Variants in HSPA12A observed in about 807,000 individuals in gnomAD.
HSPA12A encodes the protein heat shock 70 kDa protein 12A.
A neutral mutation model predicts 69.2 loss-of-function variants in HSPA12A; 28 were observed. The observed-to-expected ratio is 0.40, with a 90% confidence interval of 0.30 to 0.55. The LOEUF (loss-of-function observed/expected upper bound fraction) is 0.55. HSPA12A is among the 20% of genes least tolerant of loss of function. The pLI is 0.38. For synonymous variants in HSPA12A, 345 were observed against 370.5 expected, an observed-to-expected ratio of 0.93 and a Z score of 0.79; for missense variants, 686 against 900.7, an observed-to-expected ratio of 0.76 and a Z score of 3.05.
chr10:116,801,216 G>A (rs78769358), intron 2 of HSPA12A, among the ~76,000 whole-genome samples: 2,991 of 152,140 alleles, frequency 0.02, 94 homozygotes, highest in African/African-American at 0.068. Flanking sequence ...GAATGGACTC[G>A]GTAAAAATAC....
At chr10:116,777,448 C>A (rs1844363481) in intron 2 of HSPA12A, among the ~76,000 whole-genome samples, 2 of 152,244 alleles carry the variant, frequency 1.3e-5, no homozygotes, top group South Asian at 4.1e-4. Flanking sequence ...TCTTCCTCCT[C>A]CTTCCTGCCC....
intron 1 of HSPA12A, among the ~76,000 whole-genome samples, chr10:116,839,996 A>G (rs1845779742): frequency 6.6e-6 from 1 of 152,126 alleles, no homozygotes; most frequent in South Asian, 2.1e-4. Context: ...AACTCAAGAC[A>G]GCATACATAC....
intron 2 of HSPA12A, among the ~76,000 whole-genome samples, chr10:116,786,328 C>A (rs939282784): frequency 3.9e-5 from 6 of 152,132 alleles, no homozygotes; most frequent in African/African-American, 1.4e-4. Context: ...AGAACAACTC[C>A]GCCTTGCCCC....
intron 3 of HSPA12A, 151 bp from the exon 4 acceptor site, chr10:116,701,280 A>G (rs1008307): frequency 0.059 from 39,775 of 679,592 alleles, 2,144 homozygotes; most frequent in East Asian, 0.25. Flanking sequence ...TACTAGAGAC[A>G]CAACTTCAGT....
chr10:116,841,021 T>A (rs1171933604), intron 1 of HSPA12A, among the ~76,000 whole-genome samples: 2 of 152,172 alleles, frequency 1.3e-5, no homozygotes, highest in Non-Finnish European at 1.5e-5. Flanking sequence ...CTTGGCCGTA[T>A]CTCTAGGCAC....
intron 2 of HSPA12A, among the ~76,000 whole-genome samples, chr10:116,783,219 T>C (rs1287273519): frequency 6.6e-6 from 1 of 152,130 alleles, no homozygotes; most frequent in Non-Finnish European, 1.5e-5. Context: ...TTCCACACCA[T>C]CGACGTGGTG....
At chr10:116,741,110 T>C (rs1851491025) in intron 1 of HSPA12A, among the ~76,000 whole-genome samples, 1 of 152,136 alleles carries the variant, frequency 6.6e-6, no homozygotes, top group Non-Finnish European at 1.5e-5. Flanking sequence ...GCCTGGGCTC[T>C]CCGCTGCCTC....
intron 6 of HSPA12A, among the ~76,000 whole-genome samples, chr10:116,685,056 G>A (rs1030337127): frequency 1.2e-4 from 18 of 152,174 alleles, no homozygotes; most frequent in Non-Finnish European, 2.2e-4. Context: ...GATGGACCAC[G>A]GAAGAACACT....
intron 4 of HSPA12A, among the ~76,000 whole-genome samples, chr10:116,699,084 C>T (rs1487875059): frequency 6.6e-6 from 1 of 152,180 alleles, no homozygotes; most frequent in Non-Finnish European, 1.5e-5. Context: ...CATGCAATTT[C>T]CGTACAATTT....
rs572694685 is a variant in HSPA12A at position 116,681,864 on chromosome 10, T to G, written c.849A>C (p.Ile283=). ...GAGFTQAKEH[I]RRNRQSRTFL... is the part of the protein sequence containing the mutation. ...AGGTCCGACTCTGCCGATTACGCCG[T>G]ATGTGTTCCTTAGCTAGTGGCCGAC... The change falls in exon 8 of 12, where the codon ATA becomes ATC. Residue 283 remains isoleucine (I), a synonymous_variant. Coordinates refer to ENST00000369209, the MANE Select transcript of HSPA12A (RefSeq NM_025015.3). The G allele has an allele frequency of 1.2e-6, 2 of 1,614,138 alleles. No individual in the cohort carries two copies. Among genetic ancestry groups the G allele is most frequent in the South Asian group, 2.2e-5 (2 of 91,080 alleles).
At chr10:116,793,686 T>A (rs955564436) in intron 2 of HSPA12A, among the ~76,000 whole-genome samples, 3 of 152,098 alleles carry the variant, frequency 2.0e-5, no homozygotes, top group Non-Finnish European at 2.9e-5. Flanking sequence ...CCTTGTACTA[T>A]ATAGAAGGAA....
chr10:116,763,879 A>G (rs1217387040), intron 2 of HSPA12A, among the ~76,000 whole-genome samples: 1 of 152,230 alleles, frequency 6.6e-6, no homozygotes, highest in Non-Finnish European at 1.5e-5. Context: ...GCTGGGGCAC[A>G]GCAGGCTTTT....
chr10:116,737,542 C>T (rs1233191847), intron 1 of HSPA12A, among the ~76,000 whole-genome samples: 1 of 152,164 alleles, frequency 6.6e-6, no homozygotes, highest in Non-Finnish European at 1.5e-5. Flanking sequence ...ATTCACCTTC[C>T]AAACTGAGAT....
intron 2 of HSPA12A, among the ~76,000 whole-genome samples, chr10:116,749,014 G>C (rs980403284): frequency 6.6e-6 from 1 of 152,062 alleles, no homozygotes; most frequent in Admixed American, 6.5e-5. Flanking sequence ...CCTGCTGTCT[G>C]CTTTCCTACC....
chr10:116,732,323 A>AC (rs1554885891), intron 1 of HSPA12A, among the ~76,000 whole-genome samples: 2 of 114,644 alleles, frequency 1.7e-5, no homozygotes, highest in East Asian at 2.5e-4. Flanking sequence ...CCGTCTCAAA[A>AC]AAAACAAAGA....
chr10:116,699,534 G>A lies in HSPA12A; in HGVS notation c.442-795C>T, dbSNP rs577783800. On this transcript the variant is annotated intron_variant, in intron 4 of 11. Transcript: ENST00000369209. Reference sequence around the variant, plus strand: ...GGGGCCTCCAGATTGTCCCAGGCTGGGTAATTATGCTTTGCCTTGGGAGTG... The same window carrying A: ...GGGGCCTCCAGATTGTCCCAGGCTGAGTAATTATGCTTTGCCTTGGGAGTG... 1.3e-5 allele frequency among the ~76,000 whole-genome samples: 2 copies of A among 152,274 alleles called. 1 individual carries two copies. The highest frequency in any genetic ancestry group is 4.1e-4 in the South Asian group (2 of 4,824).
At chr10:116,734,439 G>C (rs756874031) in intron 1 of HSPA12A, among the ~76,000 whole-genome samples, 1 of 139,216 alleles carries the variant, frequency 7.2e-6, no homozygotes, top group Non-Finnish European at 1.5e-5. Context: ...AATAGAGCGA[G>C]ACTCTGTCTA....
At chr10:116,842,441 T>C (rs902082438) in intron 1 of HSPA12A, among the ~76,000 whole-genome samples, 3 of 152,198 alleles carry the variant, frequency 2.0e-5, no homozygotes, top group Non-Finnish European at 4.4e-5. Flanking sequence ...TTTATATTAA[T>C]AAAAGAAGTA....
intron 6 of HSPA12A, among the ~76,000 whole-genome samples, chr10:116,690,654 C>A (rs574686267): frequency 2.1e-4 from 32 of 152,268 alleles, no homozygotes; most frequent in African/African-American, 7.5e-4. Context: ...CTCTGGGGTA[C>A]CTATTTGATT....
Sources: allele counts gnomAD v4.1 joint callset (sites outside exome capture counted in the v4.1 genomes callset), GRCh38; gene constraint gnomAD v4.1.1; transcripts MANE v1.5; gene names NCBI Gene and HGNC (gene_info 2026-07-23, HGNC 2026-07-21).